LRMDA: variants seen among roughly 807,000 people sequenced by gnomAD.
The protein encoded by LRMDA is leucine rich melanocyte differentiation associated.
A neutral mutation model predicts 29.8 loss-of-function variants in LRMDA; 18 were observed. The observed-to-expected ratio is 0.60, with a 90% confidence interval of 0.42 to 0.90. The LOEUF (loss-of-function observed/expected upper bound fraction) is 0.90. LRMDA is among the 40% of genes least tolerant of loss of function. The probability of loss-of-function intolerance (pLI) is 0.00; values close to 1 mark genes in which losing one functional copy is unlikely to be tolerated. For synonymous variants in LRMDA, 125 were observed against 109.4 expected, an observed-to-expected ratio of 1.14 and a Z score of -0.89; for missense variants, 273 against 273.9, an observed-to-expected ratio of 1.00 and a Z score of 0.02.
intron 6 of LRMDA, among the ~76,000 whole-genome samples, chr10:76,365,405 C>A (rs539676859): frequency 6.6e-6 from 1 of 152,212 alleles, no homozygotes; most frequent in South Asian, 2.1e-4. Context: ...TCCATTCCAA[C>A]ATCTACTGTT....
rs532830675 is a variant in LRMDA at position 76,536,942 on chromosome 10, C to T, written c.602-20267C>T. Among the ~76,000 whole-genome samples the T allele has an allele frequency of 6.6e-5, 10 of 151,838 alleles. No homozygotes were observed. In the East Asian group the frequency reaches 1.5e-3, roughly 24 times the overall value. ...CATGGTAATTTTTCTAATTTTGTCA[C>T]TCCTTCTATATTAATTAGCTGTCAT... is the stretch of plus-strand genomic sequence containing the variant. On this transcript the variant is annotated intron_variant, in intron 6 of 6. Transcript: ENST00000611255.
At chr10:76,014,339 GC>G (rs375567915) in intron 2 of LRMDA, among the ~76,000 whole-genome samples, 75 of 151,814 alleles carry the variant, frequency 4.9e-4, no homozygotes, top group African/African-American at 1.8e-3. Flanking sequence ...AAACCCAGCT[GC>G]CCTTAGCAGT....
intron 6 of LRMDA, among the ~76,000 whole-genome samples, chr10:76,454,977 G>A: frequency 6.6e-6 from 1 of 152,162 alleles, no homozygotes; most frequent in South Asian, 2.1e-4. Context: ...AACCACATGA[G>A]TACAGAGTTT....
chr10:75,522,793 G>A (rs143944500), intron 2 of LRMDA, among the ~76,000 whole-genome samples: 2 of 152,292 alleles, frequency 1.3e-5, no homozygotes, highest in African/African-American at 2.4e-5. Context: ...TGGAGAGGTG[G>A]GGAAAGGGCT....
At chr10:75,997,750 G>A (rs1847495084) in intron 2 of LRMDA, among the ~76,000 whole-genome samples, 1 of 152,202 alleles carries the variant, frequency 6.6e-6, no homozygotes, top group African/African-American at 2.4e-5. Flanking sequence ...CCTTGGCAAA[G>A]CTAAGCTAGG....
intron 5 of LRMDA, among the ~76,000 whole-genome samples, chr10:76,161,984 G>A (rs1439486836): frequency 6.6e-6 from 1 of 152,186 alleles, no homozygotes; most frequent in Non-Finnish European, 1.5e-5. Flanking sequence ...TAAATTTACA[G>A]TCTTTGTTCA....
At chr10:75,587,112 T>C (rs1023020821) in intron 2 of LRMDA, among the ~76,000 whole-genome samples, 17 of 152,214 alleles carry the variant, frequency 1.1e-4, no homozygotes, top group African/African-American at 3.9e-4. Context: ...GTCTTGGCTC[T>C]TACATTTCAA....
chr10:76,281,686 A>G (rs1198495391), intron 5 of LRMDA, among the ~76,000 whole-genome samples: 1 of 152,116 alleles, frequency 6.6e-6, no homozygotes, highest in Non-Finnish European at 1.5e-5. Context: ...TATATGCATA[A>G]TAACCCTAAG....
intron 2 of LRMDA, among the ~76,000 whole-genome samples, chr10:75,963,308 C>T (rs561984019): frequency 2.0e-5 from 3 of 152,190 alleles, no homozygotes; most frequent in Non-Finnish European, 4.4e-5. Context: ...CACTTCTTTT[C>T]TAGCCATTTT....
At chr10:76,238,551 C>T (rs536563446) in intron 5 of LRMDA, among the ~76,000 whole-genome samples, 41 of 141,562 alleles carry the variant, frequency 2.9e-4, no homozygotes, top group Non-Finnish European at 5.4e-4. Context: ...CAGGGCATGT[C>T]CCATGTGGGC....
At chr10:76,106,892 T>C (rs74796181) in intron 5 of LRMDA, among the ~76,000 whole-genome samples, 2 of 152,202 alleles carry the variant, frequency 1.3e-5, no homozygotes, top group African/African-American at 2.4e-5. Flanking sequence ...GTCCTGATCA[T>C]GTCCATTCTT....
At position 76,231,892 on chromosome 10, in the gene LRMDA, G is replaced by A. The variant is rs1852065638; in HGVS notation, c.517-92509G>A. ...TATCAGTTTCTATATACAAACCACA[G>A]GAGGGAAATTAAGTGAGGGGAAAAC... is the stretch of plus-strand genomic sequence containing the variant. On this transcript the variant is annotated intron_variant, in intron 5 of 6. Transcript: ENST00000611255. Among the ~76,000 whole-genome samples the A allele has an allele frequency of 3.3e-5, 5 of 152,154 alleles. No individual in the cohort carries two copies. The South Asian group carries it at 6.2e-4, about 19-fold the overall frequency.
At chr10:75,938,162 G>A (rs1175316970) in intron 2 of LRMDA, among the ~76,000 whole-genome samples, 2 of 152,136 alleles carry the variant, frequency 1.3e-5, no homozygotes, top group Admixed American at 6.5e-5. Context: ...TAAGGCAAAG[G>A]TAGATGGCTC....
chr10:75,614,420 T>G (rs2132101555), intron 2 of LRMDA, among the ~76,000 whole-genome samples: 1 of 152,284 alleles, frequency 6.6e-6, no homozygotes, highest in East Asian at 1.9e-4. Flanking sequence ...GGCCATTAGT[T>G]TTTTTCAGAG....
At chr10:75,901,206 C>T (rs1176190304) in intron 2 of LRMDA, among the ~76,000 whole-genome samples, 1 of 152,144 alleles carries the variant, frequency 6.6e-6, no homozygotes, top group Non-Finnish European at 1.5e-5. Context: ...TGTGCTCTAG[C>T]ACTTACCATC....
intron 2 of LRMDA, among the ~76,000 whole-genome samples, chr10:76,034,630 G>A (rs1848210050): frequency 6.6e-6 from 1 of 152,158 alleles, no homozygotes. Context: ...TCTTGGCAGC[G>A]ATCCCACAAG....
intron 3 of LRMDA, among the ~76,000 whole-genome samples, chr10:76,041,593 C>T (rs1293405689): frequency 1.3e-5 from 2 of 152,192 alleles, no homozygotes; most frequent in Non-Finnish European, 1.5e-5. Context: ...CAGCTGAGCC[C>T]AGAGGGAGGG....
chr10:76,142,871 G>A (rs1277709629), intron 5 of LRMDA, among the ~76,000 whole-genome samples: 1 of 151,248 alleles, frequency 6.6e-6, no homozygotes, highest in African/African-American at 2.5e-5. Context: ...TCCCCAGTGT[G>A]TGATGTTCCC....
intron 2 of LRMDA, among the ~76,000 whole-genome samples, chr10:75,509,927 C>G (rs1845208996): frequency 6.6e-6 from 1 of 152,176 alleles, no homozygotes; most frequent in Admixed American, 6.5e-5. Context: ...TTGTGTGACT[C>G]TGAGGAAGTC....
Sources: gnomAD v4.1 joint callset for allele counts (sites outside exome capture counted in the v4.1 genomes callset) on GRCh38, gnomAD v4.1.1 for gene constraint, MANE v1.5 for transcripts, NCBI Gene and HGNC (gene_info 2026-07-23, HGNC 2026-07-21) for gene names.